The following MYOM1 variants were observed in gnomAD, a reference collection of about 807,000 sequenced individuals.
MYOM1 encodes myomesin 1, also known as myomesin-1.
In MYOM1, 164 loss-of-function variants were observed where a neutral mutation model predicts 205.3. That is an observed-to-expected ratio of 0.80 (90% CI 0.70 to 0.91). MYOM1 has a LOEUF of 0.91. MYOM1 is among the 40% of genes least tolerant of loss of function. MYOM1 has a pLI of 0.00. For synonymous variants in MYOM1, 772 were observed against 789.4 expected (o/e 0.98, Z 0.37); for missense variants, 2,011 against 2,127.3 (o/e 0.95, Z 1.08).
chr18:3,126,323 C>CTT lies in MYOM1; in HGVS notation c.2991+376_2991+377dup, dbSNP rs139040855. Among the ~76,000 whole-genome samples, 10 of 135,764 alleles carry CTT rather than the reference C, an allele frequency of 7.4e-5. No individual in the cohort carries two copies. The South Asian group carries it at 1.4e-3, about 19-fold the overall frequency. 89.1% of individuals were successfully genotyped at this position (135,764 alleles called of 152,430 possible). A position where few individuals can be genotyped will look rare whatever the true frequency, so the allele number is the denominator to read the frequency against. The stretch of plus-strand genomic sequence containing the variant: ...CAGAGTGTCATTAAATCCTGGGAAT[C>CTT]TTTTTTTTTTTTCCCCCTCAACTTG... On this transcript the variant is annotated intron_variant, in intron 19 of 37. Coordinates refer to ENST00000356443, the MANE Select transcript of MYOM1 (RefSeq NM_003803.4).
chr18:3,243,916 G>T, the MYOM1 span, among the ~76,000 whole-genome samples: 1 of 151,876 alleles, frequency 6.6e-6, no homozygotes, highest in African/African-American at 2.4e-5. Flanking sequence ...GATCTCACTT[G>T]GGGAAAAAAA....
Position 3,100,515 on chromosome 18 carries a change from A to ACTCCTTTCATCTGGACAC in MYOM1, c.3576-107_3576-90dup. On this transcript the variant is annotated intron_variant, in intron 23 of 37. Transcript: ENST00000356443. The stretch of plus-strand genomic sequence containing the variant: ...CTGAATCTGGGCATTTGTGTATACT[A>ACTCCTTTCATCTGGACAC]CTCCTTTCATCTGGACACCTCCTCT... 3.4e-6 allele frequency: 3 copies of ACTCCTTTCATCTGGACAC among 875,302 alleles called. No individual in the cohort carries two copies. The South Asian group carries it at 4.4e-5, about 13-fold the overall frequency. 54.2% of individuals were successfully genotyped at this position (875,302 alleles called of 1,614,324 possible).
At chr18:3,224,608 C>G (rs900157190), upstream of MYOM1, among the ~76,000 whole-genome samples, 2 of 152,166 alleles carry the variant, frequency 1.3e-5, no homozygotes, top group Non-Finnish European at 1.5e-5. Flanking sequence ...TTAGGAAGCA[C>G]AAACATAATT....
At chr18:3,222,726 TACACACACAAACAGGCATAC>T (rs147262289), upstream of MYOM1, among the ~76,000 whole-genome samples, 6,455 of 152,146 alleles carry the variant, frequency 0.042, 451 homozygotes, top group African/African-American at 0.14. Context: ...CATACACACA[TACACACACAAACAGGCATAC>T]ACACACAGTT....
chr18:3,203,196 A>G (rs11872867), intron 2 of MYOM1, among the ~76,000 whole-genome samples: 34,428 of 150,508 alleles, frequency 0.23, 4,037 homozygotes, highest in African/African-American at 0.29. Context: ...AGAAAAGAAG[A>G]TCTCAAACTA....
Position 3,126,756 on chromosome 18 carries a change from A to G in MYOM1, c.2936T>C (p.Val979Ala). 6.2e-7 allele frequency: 1 copy of G among 1,613,804 alleles called. No homozygotes were observed. The highest frequency in any genetic ancestry group is 8.5e-7 in the Non-Finnish European group (1 of 1,179,836). Residue 979 changes from valine to alanine, a missense_variant, in exon 19 of 38, where the codon GTA becomes GCA. Val to Ala is a moderately conservative substitution (Grantham distance 64, BLOSUM62 0). Coordinates refer to ENST00000356443, the MANE Select transcript of MYOM1 (RefSeq NM_003803.4). ...YVNYREVIDGVPGKWREANVK... is the reference protein window; with the variant it reads ...YVNYREVIDGAPGKWREANVK... ...ATTGGCTTCTCTCCATTTTCCTGGT[A>G]CCCCATCAATGACCTCGCGATAGTT...
rs193152039 is a variant in MYOM1 at position 3,135,071 on chromosome 18, C to T, written c.2210-247G>A. 7 of 429,872 alleles carry T rather than the reference C, an allele frequency of 1.6e-5. No individual in the cohort carries two copies. The Admixed American group carries it at 2.5e-4, about 15-fold the overall frequency. 26.6% of individuals were successfully genotyped at this position (429,872 alleles called of 1,614,324 possible). Reference sequence around the variant, plus strand: ...TCAGGCAATTTTCCCACCTCAGCCTCCTGAGTAGCTGGAATTACCAGGCAT... The same window carrying T: ...TCAGGCAATTTTCCCACCTCAGCCTTCTGAGTAGCTGGAATTACCAGGCAT... On this transcript the variant is annotated intron_variant, in intron 15 of 37. Coordinates refer to ENST00000356443, the MANE Select transcript of MYOM1 (RefSeq NM_003803.4). The surrounding 1 kb of genome is among the most constrained non-coding windows in gnomAD (Gnocchi z 4.1).
chr18:3,188,624 A>T, intron 4 of MYOM1, 124 bp downstream of exon 4: 1 of 1,086,080 alleles, frequency 9.2e-7, no homozygotes, highest in East Asian at 2.6e-5. Flanking sequence ...GTGAGACTCC[A>T]TCTCAAAAGG....
chr18:3,075,877 C>T, intron 34 of MYOM1, 116 bp from the exon 35 acceptor site: 4 of 880,658 alleles, frequency 4.5e-6, no homozygotes, highest in South Asian at 1.4e-5. Context: ...ACTAAACCGA[C>T]TTTGATTAAG....
chr18:3,116,309 C>T, intron 21 of MYOM1, 22 bp downstream of exon 21: 1 of 1,606,742 alleles, frequency 6.2e-7, no homozygotes. Context: ...AGAGGAAGCT[C>T]TAGAACTGAG....
chr18:3,240,155 A>C, the MYOM1 span, among the ~76,000 whole-genome samples: 33 of 152,376 alleles, frequency 2.2e-4, 1 homozygote, highest in East Asian at 6.0e-3. Flanking sequence ...AATGTAATTT[A>C]ATCACTACGT....
chr18:3,234,216 T>C, the MYOM1 span, among the ~76,000 whole-genome samples: 173 of 152,376 alleles, frequency 1.1e-3, no homozygotes, highest in African/African-American at 4.1e-3. Flanking sequence ...TTATTATTAT[T>C]GTTAAAAGTA....
In MYOM1 at chr18:3,094,305, A is replaced by G. The variant is rs1411045137; in HGVS notation, c.3729T>C (p.Thr1243=). ...CTGCCAACTCTGATTTAACTGGGAC[A>G]GCTATGAAAAGTAAAAATAAACACA... ...LALSHEHKFP[T]VPVKSELAVE... The change falls in exon 26 of 38, where the codon ACT becomes ACC. Residue 1243 remains threonine (T), a splice_region_variant and synonymous_variant. Coordinates refer to ENST00000356443, the MANE Select transcript of MYOM1 (RefSeq NM_003803.4). The G allele has an allele frequency of 5.6e-6, 9 of 1,608,554 alleles. No homozygotes were observed. Among genetic ancestry groups the G allele is most frequent in the East Asian group, 2.2e-5 (1 of 44,782 alleles).
the MYOM1 span, among the ~76,000 whole-genome samples, chr18:3,225,134 C>G: frequency 6.6e-6 from 1 of 152,264 alleles, no homozygotes; most frequent in South Asian, 2.1e-4. Flanking sequence ...ACTACAGGCA[C>G]CTGCCACCAC....
In MYOM1 at chr18:3,178,602, A is replaced by C. The variant is rs79344438; in HGVS notation, c.930-2468T>G. Reference sequence around the variant, plus strand: ...ACATACACCCCTCCGTCCCTAAAGCACGTTATTCATTTTCTACACTTAAAA... The same window carrying C: ...ACATACACCCCTCCGTCCCTAAAGCCCGTTATTCATTTTCTACACTTAAAA... On this transcript the variant is annotated intron_variant, in intron 5 of 37. Transcript: ENST00000356443. Among the ~76,000 whole-genome samples the C allele has an allele frequency of 8.4e-3, 1,284 of 152,268 alleles. 21 individuals are homozygous for C. The highest frequency in any genetic ancestry group is 0.029 in the African/African-American group (1,226 of 41,564).
chr18:3,164,791 T>C (rs1033041516), intron 9 of MYOM1, among the ~76,000 whole-genome samples: 2 of 152,220 alleles, frequency 1.3e-5, no homozygotes, highest in African/African-American at 4.8e-5. Flanking sequence ...TAATACAAGT[T>C]GCAAAAAATC....
At chr18:3,139,228 T>A (rs1266080969) in intron 14 of MYOM1, among the ~76,000 whole-genome samples, 2 of 152,244 alleles carry the variant, frequency 1.3e-5, no homozygotes, top group African/African-American at 4.8e-5. Flanking sequence ...AGTGCAAATC[T>A]TGGCTATGTT....
chr18:3,190,872 T>C lies in MYOM1; in HGVS notation c.432-1785A>G, dbSNP rs533077619. On this transcript the variant is annotated intron_variant, in intron 3 of 37. Transcript: ENST00000356443. ...GCTCCAAGTAAGAGAACTTTATGTT[T>C]AAGTTCTCATTACTACTGATACTGG... Among the ~76,000 whole-genome samples, 303 of 152,298 alleles carry C rather than the reference T, an allele frequency of 2.0e-3. 1 individual carries two copies. Among genetic ancestry groups the C allele is most frequent in the African/African-American group, 6.8e-3 (283 of 41,560 alleles).
chr18:3,185,383 CTG>C (rs1044789807), intron 5 of MYOM1, among the ~76,000 whole-genome samples: 1 of 152,158 alleles, frequency 6.6e-6, no homozygotes, highest in African/African-American at 2.4e-5. Flanking sequence ...AGATAGGAAA[CTG>C]TGTAATAAAC....
Sources: gnomAD v4.1 joint callset for allele counts (sites outside exome capture counted in the v4.1 genomes callset) on GRCh38, gnomAD v4.1.1 for gene constraint, Gnocchi (gnomAD v3.1) non-coding constraint, MANE v1.5 for transcripts, NCBI Gene and HGNC (gene_info 2026-07-23, HGNC 2026-07-21) for gene names.